Variants in GABRG3 observed in about 807,000 individuals in gnomAD.
The protein encoded by GABRG3 is gamma-aminobutyric acid type A receptor subunit gamma3.
Under a neutral mutation model 48.8 loss-of-function variants are expected in GABRG3, and 25 were observed. The ratio of observed to expected loss-of-function variants is 0.51; its 90% CI spans 0.37 to 0.72. The LOEUF is 0.72. Ranked by LOEUF, GABRG3 falls within the 30% of genes least tolerant of loss-of-function variation. GABRG3 has a pLI of 0.00. For missense variants in GABRG3, 394 were observed against 577.9 expected, an observed-to-expected ratio of 0.68 and a Z score of 3.26; for synonymous variants, 227 against 217.6, an observed-to-expected ratio of 1.04 and a Z score of -0.38.
chr15:27,260,771 G>T (rs1279451457), intron 3 of GABRG3, among the ~76,000 whole-genome samples: 4 of 152,142 alleles, frequency 2.6e-5, no homozygotes, highest in African/African-American at 9.7e-5. Context: ...CAGGAAACAG[G>T]AAGGCCAACA....
intron 5 of GABRG3, among the ~76,000 whole-genome samples, chr15:27,408,145 G>A (rs1234978137): frequency 1.3e-5 from 2 of 152,178 alleles, no homozygotes; most frequent in Non-Finnish European, 2.9e-5. Flanking sequence ...CAGACTAGTA[G>A]ATCTGGGTTG....
At chr15:27,287,579 T>C (rs1891656441) in intron 3 of GABRG3, among the ~76,000 whole-genome samples, 1 of 152,144 alleles carries the variant, frequency 6.6e-6, no homozygotes, top group African/African-American at 2.4e-5. Flanking sequence ...TAACTAAATA[T>C]TTCATTGTGA....
intron 5 of GABRG3, among the ~76,000 whole-genome samples, chr15:27,409,721 A>G (rs1887741711): frequency 6.6e-6 from 1 of 152,140 alleles, no homozygotes; most frequent in Non-Finnish European, 1.5e-5. Context: ...TCTCTCCATT[A>G]TTTATATCTT....
chr15:27,187,799 C>T (rs2086276384), intron 3 of GABRG3, among the ~76,000 whole-genome samples: 1 of 151,920 alleles, frequency 6.6e-6, no homozygotes, highest in Admixed American at 6.6e-5. Context: ...CATATGTATA[C>T]ATGTGACATG....
intron 3 of GABRG3, among the ~76,000 whole-genome samples, chr15:27,135,000 C>T (rs975945717): frequency 6.6e-6 from 1 of 152,136 alleles, no homozygotes. Flanking sequence ...TTACAAAGTG[C>T]AATGAGAACA....
chr15:27,333,057 T>G (rs538673529), intron 5 of GABRG3, among the ~76,000 whole-genome samples: 4 of 152,226 alleles, frequency 2.6e-5, no homozygotes, highest in Non-Finnish European at 4.4e-5. Context: ...TTTAAATTAC[T>G]TATATGGATG....
At chr15:27,090,513 G>A (rs922382070) in intron 3 of GABRG3, among the ~76,000 whole-genome samples, 2 of 152,122 alleles carry the variant, frequency 1.3e-5, no homozygotes, top group Non-Finnish European at 2.9e-5. Context: ...AACAACCTAT[G>A]AGGGTTCCAA....
At chr15:27,372,022 G>C (rs953133810) in intron 5 of GABRG3, among the ~76,000 whole-genome samples, 11 of 151,934 alleles carry the variant, frequency 7.2e-5, no homozygotes, top group South Asian at 6.2e-4. Context: ...AATTAATACT[G>C]TTCAGTATTA....
Position 27,537,920 on chromosome 15 carries a change from A to T in GABRG3, c.*5039A>T, listed in dbSNP as rs1891586208. 1 of 151,636 alleles carries T rather than the reference A, an allele frequency of 6.6e-6. No homozygotes were observed. The highest frequency in any genetic ancestry group is 2.4e-5 in the African/African-American group (1 of 41,308). The allele number at this position is 151,636 out of a possible 1,614,324, so 9.4% of individuals were successfully genotyped here. On this transcript the variant is annotated 3_prime_UTR_variant, in exon 10 of 10. Transcript: ENST00000615808. Reference sequence around the variant, plus strand: ...AGTGGCGCCATCTCGGCTCACTGCAACCTCCACCTCCCGGGTTCAAGCAAT... The same window carrying T: ...AGTGGCGCCATCTCGGCTCACTGCATCCTCCACCTCCCGGGTTCAAGCAAT...
chr15:27,023,267 A>C (rs552088456), intron 2 of GABRG3, among the ~76,000 whole-genome samples: 1 of 152,132 alleles, frequency 6.6e-6, no homozygotes, highest in Non-Finnish European at 1.5e-5. Flanking sequence ...TCATATCCCC[A>C]TCTTTCTCTT....
chr15:27,210,471 C>A (rs73375562), intron 3 of GABRG3, among the ~76,000 whole-genome samples: 1 of 152,326 alleles, frequency 6.6e-6, no homozygotes, highest in Non-Finnish European at 1.5e-5. Flanking sequence ...ATCACACACG[C>A]GCACCTGCGT....
At chr15:27,329,449 G>C (rs1893732098) in intron 5 of GABRG3, among the ~76,000 whole-genome samples, 1 of 152,046 alleles carries the variant, frequency 6.6e-6, no homozygotes, top group Admixed American at 6.6e-5. Flanking sequence ...ATTTTTAGTA[G>C]AGACAGGGTT....
chr15:27,133,825 T>A (rs1281281240), intron 3 of GABRG3, among the ~76,000 whole-genome samples: 3 of 152,224 alleles, frequency 2.0e-5, no homozygotes, highest in African/African-American at 7.2e-5. Flanking sequence ...TTGGTGTAAA[T>A]GTCTAGGTTC....
rs1894902263 is a variant in GABRG3, at chr15:26,974,570, A to G, written c.54-2432A>G. On this transcript the variant is annotated intron_variant, in intron 1 of 9. Transcript: ENST00000615808. The surrounding 1 kb of genome is among the most constrained non-coding windows in gnomAD (Gnocchi z 4.3). Reference sequence around the variant, plus strand: ...GGCAGACCCCCTCACAGTGCCCAAGACAGAGACAGCAGAGGGAGGGAGGAA... The same window carrying G: ...GGCAGACCCCCTCACAGTGCCCAAGGCAGAGACAGCAGAGGGAGGGAGGAA... 1.3e-5 allele frequency among the ~76,000 whole-genome samples: 2 copies of G among 151,774 alleles called. No individual in the cohort carries two copies. The highest frequency in any genetic ancestry group is 1.3e-4 in the Admixed American group (2 of 15,246).
chr15:27,489,932 A>G (rs1349023532), intron 6 of GABRG3, among the ~76,000 whole-genome samples: 1 of 152,136 alleles, frequency 6.6e-6, no homozygotes, highest in African/African-American at 2.4e-5. Context: ...TGTTTTAGTC[A>G]TGAAGTCTTT....
chr15:27,433,949 C>G (rs1888531990), intron 5 of GABRG3, among the ~76,000 whole-genome samples: 4 of 152,190 alleles, frequency 2.6e-5, no homozygotes, highest in Admixed American at 2.0e-4. Flanking sequence ...GTTTACCTCC[C>G]CCCAAATGTT....
intron 2 of GABRG3, among the ~76,000 whole-genome samples, chr15:27,015,878 T>C (rs912025231): frequency 6.6e-6 from 1 of 152,176 alleles, no homozygotes; most frequent in Admixed American, 6.5e-5. Flanking sequence ...TGTGGTCAAA[T>C]AAAATACTTT....
chr15:27,327,669 T>G (rs1595679959), intron 4 of GABRG3, among the ~76,000 whole-genome samples: 1 of 152,058 alleles, frequency 6.6e-6, no homozygotes, highest in Admixed American at 6.6e-5. Context: ...GACTGGATGG[T>G]CCCTCCAGCA....
chr15:27,141,493 G>T (rs1370642601), intron 3 of GABRG3, among the ~76,000 whole-genome samples: 1 of 152,112 alleles, frequency 6.6e-6, no homozygotes, highest in Non-Finnish European at 1.5e-5. Context: ...TCTTCTAGGA[G>T]ACTCCTTCAG....
Sources: allele counts gnomAD v4.1 joint callset (sites outside exome capture counted in the v4.1 genomes callset), GRCh38; gene constraint gnomAD v4.1.1; non-coding constraint Gnocchi (gnomAD v3.1); transcripts MANE v1.5; gene names NCBI Gene and HGNC (gene_info 2026-07-23, HGNC 2026-07-21).